CDK8: variants seen among roughly 807,000 people sequenced by gnomAD.
CDK8 encodes the protein cyclin-dependent kinase 8.
In CDK8, 29 loss-of-function variants were observed where a neutral mutation model predicts 71.5. The observed-to-expected ratio is 0.41, with a 90% confidence interval of 0.30 to 0.55. CDK8 has a LOEUF of 0.55. Ranked by LOEUF, CDK8 falls within the 20% of genes least tolerant of loss-of-function variation. CDK8 has a pLI of 0.37. For synonymous variants in CDK8, 161 were observed against 192.1 expected, an observed-to-expected ratio of 0.84 and a Z score of 1.34; for missense variants, 288 against 572.6, an observed-to-expected ratio of 0.50 and a Z score of 5.07.
chr13:26,281,982 A>G (rs1262250782), intron 1 of CDK8, among the ~76,000 whole-genome samples: 1 of 152,064 alleles, frequency 6.6e-6, no homozygotes, highest in Non-Finnish European at 1.5e-5. Flanking sequence ...GAGCTCAAAG[A>G]TAAGGCTTAC....
intron 1 of CDK8, among the ~76,000 whole-genome samples, chr13:26,276,637 A>G (rs1247460467): frequency 6.6e-6 from 1 of 152,122 alleles, no homozygotes; most frequent in Non-Finnish European, 1.5e-5. Flanking sequence ...CCTGATTTAT[A>G]TTTTTTAAGA....
At chr13:26,298,661 A>C (rs138645833) in intron 1 of CDK8, among the ~76,000 whole-genome samples, 1 of 152,266 alleles carries the variant, frequency 6.6e-6, no homozygotes, top group East Asian at 1.9e-4. Flanking sequence ...AACCCACAGC[A>C]GGGGATTAGT....
intron 2 of CDK8, 96 bp from the exon 3 acceptor site, chr13:26,348,976 C>T (rs537520449): frequency 3.9e-6 from 3 of 773,366 alleles, no homozygotes; most frequent in South Asian, 1.5e-5. Flanking sequence ...GATTGTTTAC[C>T]TGTGGGTTTG....
chr13:26,344,843 A>G (rs1873395427), intron 2 of CDK8, among the ~76,000 whole-genome samples: 1 of 152,140 alleles, frequency 6.6e-6, no homozygotes, highest in South Asian at 2.1e-4. Flanking sequence ...GACCTGCCTG[A>G]GGATATTTTA....
intron 4 of CDK8, among the ~76,000 whole-genome samples, chr13:26,375,488 C>A (rs1874902905): frequency 6.6e-6 from 1 of 152,172 alleles, no homozygotes; most frequent in Non-Finnish European, 1.5e-5. Context: ...TGATTCAACA[C>A]CTGGAGAAGT....
At chr13:26,277,987 T>C (rs1403240995) in intron 1 of CDK8, among the ~76,000 whole-genome samples, 1 of 152,132 alleles carries the variant, frequency 6.6e-6, no homozygotes, top group Non-Finnish European at 1.5e-5. Context: ...GACCAATGAC[T>C]TTGGCACTAA....
intron 1 of CDK8, among the ~76,000 whole-genome samples, chr13:26,331,555 T>C (rs1470890455): frequency 6.6e-6 from 1 of 152,200 alleles, no homozygotes; most frequent in Non-Finnish European, 1.5e-5. Context: ...CCAGCATCAT[T>C]TATTAAAGAG....
At chr13:26,311,641 A>C (rs1185607197) in intron 1 of CDK8, among the ~76,000 whole-genome samples, 7 of 152,320 alleles carry the variant, frequency 4.6e-5, no homozygotes, top group Non-Finnish European at 4.4e-5. Flanking sequence ...TAGTTACCAC[A>C]GGCAGCGGGG....
intron 12 of CDK8, among the ~76,000 whole-genome samples, chr13:26,402,133 G>A (rs1876291933): frequency 6.6e-6 from 1 of 152,218 alleles, no homozygotes; most frequent in Non-Finnish European, 1.5e-5. Flanking sequence ...AATGATCAAT[G>A]TGAAGCTGTA....
chr13:26,263,746 T>C (rs1471814035), intron 1 of CDK8, among the ~76,000 whole-genome samples: 1 of 121,192 alleles, frequency 8.3e-6, no homozygotes. Context: ...GCTAAAAGAC[T>C]CCCTTTTTTT....
rs1400558139 is a variant in CDK8, at chr13:26,254,397, C to T, written c.-245C>T. 8 of 372,548 alleles carry T rather than the reference C, an allele frequency of 2.1e-5. No individual in the cohort carries two copies. Among genetic ancestry groups the T allele is most frequent in the African/African-American group, 1.5e-4 (7 of 46,738 alleles). 23.1% of individuals were successfully genotyped at this position (372,548 alleles called of 1,614,324 possible). A position where few individuals can be genotyped will look rare whatever the true frequency, so the allele number is the denominator to read the frequency against. ...CCCCCAGCCCTCGTCCCTCGGCTCT[C>T]CTTCGCCGGGGGATCCTCCCCGTTC... On this transcript the variant is annotated 5_prime_UTR_variant, in exon 1 of 13. Coordinates refer to ENST00000381527, the MANE Select transcript of CDK8 (RefSeq NM_001260.3). This position sits in a 1 kb window ranked among gnomAD's most constrained non-coding sequence, Gnocchi z 6.7.
At chr13:26,385,781 C>A (rs888014767) in intron 6 of CDK8, among the ~76,000 whole-genome samples, 2 of 151,966 alleles carry the variant, frequency 1.3e-5, no homozygotes, top group African/African-American at 4.8e-5. Context: ...AAGGCCTAAC[C>A]CAACATTCTA....
At chr13:26,257,948 T>C (rs1871601824) in intron 1 of CDK8, among the ~76,000 whole-genome samples, 1 of 151,652 alleles carries the variant, frequency 6.6e-6, no homozygotes, top group South Asian at 2.1e-4. Flanking sequence ...CTGCCAACTT[T>C]CTTTGGGGCA....
intron 1 of CDK8, among the ~76,000 whole-genome samples, chr13:26,284,970 G>T (rs887027206): frequency 1.4e-4 from 22 of 151,938 alleles, no homozygotes; most frequent in African/African-American, 5.3e-4. Context: ...TGGGTACAGT[G>T]GCTCATGCCT....
intron 1 of CDK8, among the ~76,000 whole-genome samples, chr13:26,322,952 C>T (rs577430436): frequency 6.6e-6 from 1 of 152,212 alleles, no homozygotes; most frequent in South Asian, 2.1e-4. Flanking sequence ...TTTTGGGAAT[C>T]CCTAATTTTG....
intron 1 of CDK8, among the ~76,000 whole-genome samples, chr13:26,275,868 TCTAA>T (rs974316887): frequency 2.0e-5 from 3 of 152,108 alleles, no homozygotes; most frequent in Non-Finnish European, 2.9e-5. Flanking sequence ...TTGCATTGGC[TCTAA>T]CTTTTTTTTT....
intron 1 of CDK8, among the ~76,000 whole-genome samples, chr13:26,281,754 T>C (rs999853144): frequency 6.6e-6 from 1 of 151,398 alleles, no homozygotes; most frequent in African/African-American, 2.4e-5. Flanking sequence ...ATACAAGATA[T>C]GGATGAAAAA....
intron 5 of CDK8, 74 bp from the exon 6 acceptor site, chr13:26,385,137 T>C (rs1200365713): frequency 2.5e-6 from 3 of 1,212,308 alleles, no homozygotes; most frequent in Non-Finnish European, 2.3e-6. Flanking sequence ...CTGAATAAGA[T>C]GGTAAATTAG....
chr13:26,362,981 C>T (rs914964482), intron 4 of CDK8, among the ~76,000 whole-genome samples: 2 of 129,824 alleles, frequency 1.5e-5, no homozygotes, highest in African/African-American at 5.6e-5. Context: ...TATACTATAA[C>T]TTTTCATTGT....
Sources: allele counts gnomAD v4.1 joint callset (sites outside exome capture counted in the v4.1 genomes callset), GRCh38; gene constraint gnomAD v4.1.1; non-coding constraint Gnocchi (gnomAD v3.1); transcripts MANE v1.5; gene names NCBI Gene and HGNC (gene_info 2026-07-23, HGNC 2026-07-21).